Variants in BNC2 observed in about 807,000 individuals in gnomAD.
BNC2 encodes the protein basonuclin zinc finger protein 2, also known as zinc finger protein basonuclin-2.
Under a neutral mutation model 76.3 loss-of-function variants are expected in BNC2, and 20 were observed. The observed-to-expected ratio is 0.26, with a 90% CI of 0.18 to 0.38. BNC2 has a LOEUF of 0.38. Ranked by LOEUF, BNC2 falls within the 10% of genes least tolerant of loss-of-function variation. The pLI, the probability that BNC2 is intolerant of heterozygous loss-of-function variation, is 1.00. For synonymous variants in BNC2, 582 were observed against 514.8 expected (o/e 1.13, Z -1.77); for missense variants, 1,382 against 1,399.8 (o/e 0.99, Z 0.20).
intron 3 of BNC2, among the ~76,000 whole-genome samples, chr9:16,617,336 A>G (rs1291231730): frequency 6.6e-6 from 1 of 152,198 alleles, no homozygotes; most frequent in African/African-American, 2.4e-5. Context: ...AATTGAAAAC[A>G]TCATTCTATG....
At chr9:16,555,996 T>C (rs1012013361) in intron 4 of BNC2, among the ~76,000 whole-genome samples, 1 of 151,882 alleles carries the variant, frequency 6.6e-6, no homozygotes, top group African/African-American at 2.4e-5. Context: ...GGTGTGTCAA[T>C]GTTCCAATAA....
chr9:16,581,625 G>T lies in BNC2; in HGVS notation c.433+1358C>A, dbSNP rs374721009. ...TGATCTTGGAATTCTAGCCTCCAGA[G>T]CTTTGAGGATATAAATTTCTGCTCT... On this transcript the variant is annotated intron_variant, in intron 4 of 6. Transcript: ENST00000380672. Among the ~76,000 whole-genome samples, 8 of 152,302 alleles carry T rather than the reference G, an allele frequency of 5.3e-5. No individual in the cohort carries two copies. In the East Asian group the frequency reaches 9.6e-4, roughly 18 times the overall value.
intron 4 of BNC2, among the ~76,000 whole-genome samples, chr9:16,574,732 C>G (rs1259241620): frequency 6.6e-6 from 1 of 152,176 alleles, no homozygotes. Flanking sequence ...ATTTTATTGA[C>G]TTAGCAATAA....
At chr9:16,482,280 G>A (rs1822072621) in intron 5 of BNC2, among the ~76,000 whole-genome samples, 1 of 152,068 alleles carries the variant, frequency 6.6e-6, no homozygotes, top group African/African-American at 2.4e-5. Context: ...AAATCAAAAT[G>A]ACTAAATAGT....
At chr9:16,854,453 T>G (rs1051645086) in intron 1 of BNC2, among the ~76,000 whole-genome samples, 9 of 152,220 alleles carry the variant, frequency 5.9e-5, no homozygotes, top group Non-Finnish European at 1.2e-4. Context: ...CACCTGTATA[T>G]AAAGTCAATT....
chr9:16,636,728 C>G (rs746005441), intron 3 of BNC2, among the ~76,000 whole-genome samples: 6 of 152,098 alleles, frequency 3.9e-5, no homozygotes, highest in Non-Finnish European at 8.8e-5. Context: ...TGGAGAACTT[C>G]CAGGTTATTC....
chr9:16,567,355 A>G (rs1563842890), intron 4 of BNC2, among the ~76,000 whole-genome samples: 1 of 152,226 alleles, frequency 6.6e-6, no homozygotes, highest in Non-Finnish European at 1.5e-5. Context: ...GCTAACTTAA[A>G]GAACAAAGTA....
rs1204732230 is a variant in BNC2 at position 16,665,482 on chromosome 9, GAAAGAA to G, written c.330+62309_330+62314del. Among the ~76,000 whole-genome samples the G allele has an allele frequency of 1.4e-3, 181 of 130,362 alleles. 2 individuals carry two copies. The highest frequency in any genetic ancestry group is 5.1e-3 in the African/African-American group (158 of 31,218). The allele number at this position is 130,362 out of a possible 152,430, so 85.5% of individuals were successfully genotyped here. ...AGAAAGAAAGAAAGAAAGAAAGAAA[GAAAGAA>G]AGAGAGAGAGAGAAATCACAGCAAA... On this transcript the variant is annotated intron_variant, in intron 3 of 6. Coordinates refer to ENST00000380672, the MANE Select transcript of BNC2 (RefSeq NM_017637.6).
chr9:16,695,703 T>A (rs1823318565), intron 3 of BNC2, among the ~76,000 whole-genome samples: 2 of 152,074 alleles, frequency 1.3e-5, no homozygotes, highest in South Asian at 4.1e-4. Flanking sequence ...GCATTCTCGT[T>A]AAGTGACGTG....
At chr9:16,659,604 C>CT (rs1477987157) in intron 3 of BNC2, among the ~76,000 whole-genome samples, 1 of 86,824 alleles carries the variant, frequency 1.2e-5, no homozygotes, top group Non-Finnish European at 2.9e-5. Flanking sequence ...GAGACTCCGT[C>CT]TCAAAAAAAA....
intron 5 of BNC2, among the ~76,000 whole-genome samples, chr9:16,506,513 CTTTTTTTTTTTT>C (rs568955982): frequency 3.0e-3 from 128 of 43,356 alleles, no homozygotes; most frequent in African/African-American, 6.5e-3. Context: ...TCTCTCTCCT[CTTTTTTTTTTTT>C]TTTTTTTTTT....
rs138695407 is a variant in BNC2, at chr9:16,442,858, C to A, written c.670-5334G>T. Among the ~76,000 whole-genome samples the A allele has an allele frequency of 3.9e-3, 595 of 152,132 alleles. 2 individuals are homozygous for A. Among genetic ancestry groups the A allele is most frequent in the African/African-American group, 0.012 (513 of 41,504 alleles). ...CGGTGACTCATGCCTGTAATCCCAG[C>A]AGTTTGGGAGGCAGAGGCAGGCGGA... On this transcript the variant is annotated intron_variant, in intron 5 of 6. Transcript: ENST00000380672.
intron 5 of BNC2, among the ~76,000 whole-genome samples, chr9:16,445,036 A>T (rs7042297): frequency 0.2 from 31,142 of 152,080 alleles, 5,727 homozygotes; most frequent in African/African-American, 0.5. Flanking sequence ...TGTGCCTGCA[A>T]GTGTGTAAGT....
intron 3 of BNC2, among the ~76,000 whole-genome samples, chr9:16,716,484 G>A (rs531825858): frequency 3.0e-4 from 45 of 152,170 alleles, no homozygotes; most frequent in African/African-American, 1.1e-3. Flanking sequence ...CAATTGCAAG[G>A]AGAATATCTT....
chr9:16,702,521 G>A (rs1211498766), intron 3 of BNC2, among the ~76,000 whole-genome samples: 3 of 135,650 alleles, frequency 2.2e-5, no homozygotes, highest in Non-Finnish European at 3.2e-5. Context: ...AATAAATAAC[G>A]CCAGAGTTTC....
intron 3 of BNC2, among the ~76,000 whole-genome samples, chr9:16,670,199 C>T (rs746191950): frequency 1.3e-5 from 2 of 152,080 alleles, no homozygotes; most frequent in African/African-American, 4.8e-5. Context: ...TTCCTAGGAC[C>T]ATTGGAAAAT....
chr9:16,598,865 T>C (rs1382543709), intron 3 of BNC2, among the ~76,000 whole-genome samples: 1 of 152,210 alleles, frequency 6.6e-6, no homozygotes, highest in Non-Finnish European at 1.5e-5. Flanking sequence ...TGAGATGCTT[T>C]GCATTTTTGA....
intron 3 of BNC2, among the ~76,000 whole-genome samples, chr9:16,639,891 T>A (rs1180116223): frequency 6.6e-6 from 1 of 151,942 alleles, no homozygotes; most frequent in Non-Finnish European, 1.5e-5. Flanking sequence ...CACTACATTC[T>A]AGCCTGGGCA....
At chr9:16,683,554 G>A (rs1822886790) in intron 3 of BNC2, among the ~76,000 whole-genome samples, 1 of 152,144 alleles carries the variant, frequency 6.6e-6, no homozygotes, top group Admixed American at 6.5e-5. Context: ...GCTCCCTAGA[G>A]TATAAAGCTA....
Sources: allele counts gnomAD v4.1 joint callset (sites outside exome capture counted in the v4.1 genomes callset), GRCh38; gene constraint gnomAD v4.1.1; transcripts MANE v1.5; gene names NCBI Gene and HGNC (gene_info 2026-07-23, HGNC 2026-07-21).